The following LINGO2 variants were observed in gnomAD, a reference collection of about 807,000 sequenced individuals.
The protein encoded by LINGO2 is leucine rich repeat and Ig domain containing 2, also known as leucine-rich repeat and immunoglobulin-like domain-containing nogo receptor-interacting protein 2.
A neutral mutation model predicts 30.6 loss-of-function variants in LINGO2; 14 were observed. The observed-to-expected ratio is 0.46, with a 90% confidence interval of 0.30 to 0.72. The LOEUF (loss-of-function observed/expected upper bound fraction) is 0.72. Among genes scored for constraint, LINGO2 ranks in the 30% least tolerant of loss-of-function variants. LINGO2 has a pLI of 0.07. For synonymous variants in LINGO2, 317 were observed against 288.5 expected (o/e 1.10, Z -1.00); for missense variants, 729 against 751.7 (o/e 0.97, Z 0.35).
chr9:29,062,552 A>G, the LINGO2 span, among the ~76,000 whole-genome samples: 1 of 152,140 alleles, frequency 6.6e-6, no homozygotes, highest in Admixed American at 6.6e-5. Flanking sequence ...ATGAACCTTG[A>G]AAACGTCATG....
rs1045725796 is a variant in LINGO2, at chr9:28,399,769, T to C, written c.-278-26901A>G. 1.5e-3 allele frequency among the ~76,000 whole-genome samples: 235 copies of C among 152,270 alleles called. 1 individual carries two copies. The highest frequency in any genetic ancestry group is 4.1e-4 in the Non-Finnish European group (28 of 67,998). The stretch of plus-strand genomic sequence containing the variant: ...GAGTTCTGAATTACATTAGGCATTA[T>C]GTTAAATTATGGGATTTGATTTACA... On this transcript the variant is annotated intron_variant, in intron 2 of 5. Coordinates refer to ENST00000379992, the Ensembl canonical transcript of LINGO2.
At chr9:29,064,982 A>G in the LINGO2 span, among the ~76,000 whole-genome samples, 1 of 152,122 alleles carries the variant, frequency 6.6e-6, no homozygotes, top group African/African-American at 2.4e-5. Flanking sequence ...AGGCTGTACT[A>G]AAAGAGTAAA....
At chr9:28,441,889 T>C (rs1824211727) in intron 2 of LINGO2, among the ~76,000 whole-genome samples, 1 of 152,172 alleles carries the variant, frequency 6.6e-6, no homozygotes, top group Admixed American at 6.5e-5. Flanking sequence ...GTGTTTAAGA[T>C]TGTTAGTTGT....
chr9:28,184,945 A>C (rs949396386), intron 4 of LINGO2, among the ~76,000 whole-genome samples: 9 of 152,160 alleles, frequency 5.9e-5, no homozygotes, highest in Non-Finnish European at 1.2e-4. Context: ...AATTAAAACA[A>C]AACACAACAA....
Position 28,199,344 on chromosome 9 carries a change from C to CTTCTTCTTCT in LINGO2, c.-87+95863_-87+95864insAGAAGAAGAA, listed in dbSNP as rs74180792. On this transcript the variant is annotated intron_variant, in intron 4 of 5. Transcript: ENST00000379992. ...CTATCTTCTTCTTCTTCTTCTTCTT[C>CTTCTTCTTCT]TTTTTTTTTTTTTGAGACGGAGTCT... Among the ~76,000 whole-genome samples the CTTCTTCTTCT allele has an allele frequency of 9.1e-4, 107 of 117,682 alleles. 3 individuals are homozygous for CTTCTTCTTCT. The East Asian group carries it at 9.7e-3, about 11-fold the overall frequency. 77.2% of individuals were successfully genotyped at this position (117,682 alleles called of 152,430 possible).
intron 5 of LINGO2, among the ~76,000 whole-genome samples, chr9:27,965,599 A>G (rs1820063848): frequency 6.6e-6 from 1 of 152,014 alleles, no homozygotes; most frequent in Non-Finnish European, 1.5e-5. Flanking sequence ...TCATTAATTG[A>G]TAGTTTCTGT....
chr9:28,343,449 G>A (rs1819440239), intron 3 of LINGO2, among the ~76,000 whole-genome samples: 1 of 152,092 alleles, frequency 6.6e-6, no homozygotes, highest in African/African-American at 2.4e-5. Flanking sequence ...CTGAAAAGAA[G>A]TCTAAGGTAA....
chr9:28,343,095 T>C (rs368214466), intron 3 of LINGO2, among the ~76,000 whole-genome samples: 2 of 152,164 alleles, frequency 1.3e-5, no homozygotes, highest in African/African-American at 4.8e-5. Context: ...TCACCTTTCA[T>C]AGTATTTCAC....
Position 28,319,913 on chromosome 9 carries a change from GCTTCACT to G in LINGO2, c.-245-24554_-245-24548del, listed in dbSNP as rs1824978421. Among the ~76,000 whole-genome samples, 2 of 152,076 alleles carry G rather than the reference GCTTCACT, an allele frequency of 1.3e-5. 1 individual carries two copies. ...AAACAGAAAAGAAAAAGGTATTAAT[GCTTCACT>G]GAGTCACCATGAATCTTAAAGTACT... On this transcript the variant is annotated intron_variant, in intron 3 of 5. Transcript: ENST00000379992.
chr9:28,506,477 CACATACACAT>C (rs1463771605), intron 1 of LINGO2, among the ~76,000 whole-genome samples: 128 of 12,636 alleles, frequency 0.01, 26 homozygotes, highest in Admixed American at 0.034. Context: ...CACACACACA[CACATACACAT>C]ACACACACAC....
intron 1 of LINGO2, among the ~76,000 whole-genome samples, chr9:28,525,899 C>T (rs1319623467): frequency 6.6e-6 from 1 of 151,320 alleles, no homozygotes; most frequent in Non-Finnish European, 1.5e-5. Flanking sequence ...ACTAAGAATA[C>T]AAAAAAATTA....
At chr9:28,383,275 T>TGTGTGA (rs1554714295) in intron 2 of LINGO2, among the ~76,000 whole-genome samples, 1 of 151,836 alleles carries the variant, frequency 6.6e-6, no homozygotes, top group African/African-American at 2.4e-5. Context: ...TGTGTGTGTG[T>TGTGTGA]GTGTGTGTGT....
the LINGO2 span, among the ~76,000 whole-genome samples, chr9:29,120,130 G>T: frequency 6.6e-6 from 1 of 152,124 alleles, no homozygotes; most frequent in East Asian, 1.9e-4. Flanking sequence ...GGAGATTTGA[G>T]AAATGCCAAT....
intron 5 of LINGO2, among the ~76,000 whole-genome samples, chr9:28,004,367 TTC>T (rs903798223): frequency 2.6e-5 from 4 of 152,190 alleles, no homozygotes; most frequent in Admixed American, 6.5e-5. Flanking sequence ...ATTCATTTTT[TTC>T]TCTCACAGCT....
Position 28,667,778 on chromosome 9 carries a change from T to G in LINGO2, c.-365+2422A>C, listed in dbSNP as rs531973026. ...AAAAACAAAAACAAAACACAAAAAC[T>G]TTCAAATTCCCAAATTATGATGTCT... On this transcript the variant is annotated intron_variant, in intron 1 of 5. Transcript: ENST00000379992. Among the ~76,000 whole-genome samples, 6 of 152,036 alleles carry G rather than the reference T, an allele frequency of 3.9e-5. No homozygotes were observed. The South Asian group carries it at 1.2e-3, about 32-fold the overall frequency.
At chr9:28,023,041 GATTAT>G (rs1032970570) in intron 4 of LINGO2, among the ~76,000 whole-genome samples, 29 of 151,812 alleles carry the variant, frequency 1.9e-4, no homozygotes, top group African/African-American at 6.5e-4. Flanking sequence ...CCATATCTCT[GATTAT>G]ATTAATCATG....
chr9:28,589,590 A>T (rs1409969865), intron 1 of LINGO2, among the ~76,000 whole-genome samples: 2 of 152,182 alleles, frequency 1.3e-5, no homozygotes, highest in East Asian at 3.9e-4. Context: ...AATCCAACTT[A>T]CAAGGGATGT....
At chr9:28,006,659 C>T (rs1413006079) in intron 5 of LINGO2, among the ~76,000 whole-genome samples, 7 of 152,166 alleles carry the variant, frequency 4.6e-5, no homozygotes, top group African/African-American at 1.7e-4. Flanking sequence ...TATTTTGCCC[C>T]AGTAGGACTA....
At chr9:28,384,812 G>A (rs1397891278) in intron 2 of LINGO2, among the ~76,000 whole-genome samples, 3 of 137,578 alleles carry the variant, frequency 2.2e-5, no homozygotes, top group African/African-American at 7.5e-5. Flanking sequence ...CAAAGTTTCA[G>A]AGGCTTTGTG....
Sources: gnomAD v4.1 joint callset for allele counts (sites outside exome capture counted in the v4.1 genomes callset) on GRCh38, gnomAD v4.1.1 for gene constraint, MANE v1.5 for transcripts, NCBI Gene and HGNC (gene_info 2026-07-23, HGNC 2026-07-21) for gene names.